Variants in LRIF1 observed in about 807,000 individuals in gnomAD.
The protein encoded by LRIF1 is ligand-dependent nuclear receptor-interacting factor 1.
Under a neutral mutation model 52.7 loss-of-function variants are expected in LRIF1, and 32 were observed. That is an observed-to-expected ratio of 0.61 (90% CI 0.46 to 0.82). LRIF1 has a LOEUF of 0.82. Among genes scored for constraint, LRIF1 ranks in the 40% least tolerant of loss-of-function variants. LRIF1 has a pLI of 0.00. For missense variants in LRIF1, 887 were observed against 892.0 expected (o/e 0.99, Z 0.07); for synonymous variants, 323 against 317.4 (o/e 1.02, Z -0.19).
the LRIF1 span, chr1:110,892,238 T>A: frequency 1.2e-6 from 1 of 847,526 alleles, no homozygotes; most frequent in African/African-American, 1.7e-5. Flanking sequence ...GACTCTTGAT[T>A]GAGCCAGTTA....
At position 110,948,189 on chromosome 1, in the gene LRIF1, C is replaced by T; in HGVS notation, c.2080G>A (p.Glu694Lys). The T allele has an allele frequency of 6.2e-7, 1 of 1,614,060 alleles. No individual in the cohort carries two copies. Among genetic ancestry groups the T allele is most frequent in the Non-Finnish European group, 8.5e-7 (1 of 1,179,992 alleles). ...TTCTCATGGGTATAGTATTCCATCT[C>T]AGTTCTCTTTTCTTGTCTGGTTTTG... ...HSKTRQEKRT[E>K]MEYYTHEKQE... The change falls in exon 4 of 4, where the codon GAG (glutamate) becomes AAG (lysine). Residue 694 changes from glutamate to lysine, a missense_variant. By Grantham distance (56) the Glu-to-Lys change is moderately conservative (BLOSUM62 1). Transcript: ENST00000369763.
At chr1:110,888,129 C>T in the LRIF1 span, among the ~76,000 whole-genome samples, 1 of 152,194 alleles carries the variant, frequency 6.6e-6, no homozygotes, top group African/African-American at 2.4e-5. Flanking sequence ...CAAATTCTCT[C>T]CCTGAGCCCT....
At chr1:110,934,416 CT>C in the LRIF1 span, among the ~76,000 whole-genome samples, 1 of 152,192 alleles carries the variant, frequency 6.6e-6, no homozygotes, top group Non-Finnish European at 1.5e-5. Flanking sequence ...CAGGATTTGA[CT>C]CTTAGATGGC....
At chr1:110,895,871 C>T in the LRIF1 span, among the ~76,000 whole-genome samples, 1 of 152,086 alleles carries the variant, frequency 6.6e-6, no homozygotes, top group African/African-American at 2.4e-5. Flanking sequence ...AAAGCAAATA[C>T]TAGACAATAT....
the LRIF1 span, among the ~76,000 whole-genome samples, chr1:110,931,307 C>T: frequency 6.6e-6 from 1 of 152,170 alleles, no homozygotes; most frequent in Non-Finnish European, 1.5e-5. Context: ...CTGCAAAGGA[C>T]ATGAACTCAT....
At chr1:110,876,559 T>C in the LRIF1 span, among the ~76,000 whole-genome samples, 1,046 of 152,260 alleles carry the variant, frequency 6.9e-3, 8 homozygotes, top group Non-Finnish European at 0.011. Flanking sequence ...ATGCCTCATA[T>C]CTTTTAAAAC....
chr1:110,932,945 A>G, the LRIF1 span, among the ~76,000 whole-genome samples: 1 of 152,200 alleles, frequency 6.6e-6, no homozygotes, highest in African/African-American at 2.4e-5. Context: ...TATAGATTAA[A>G]AAGTTTCCCT....
Position 110,958,513 on chromosome 1 carries a change from A to T in LRIF1, c.68+5108T>A, listed in dbSNP as rs145139109. ...GAAACTCCTTAAGGTGAGAGGCTTT[A>T]TAATTTATTTTGCAAATATCCTTCC... On this transcript the variant is annotated intron_variant, in intron 1 of 3. Transcript: ENST00000369763. 6.2e-3 allele frequency among the ~76,000 whole-genome samples: 940 copies of T among 152,284 alleles called. 11 individuals are homozygous for T. The highest frequency in any genetic ancestry group is 0.021 in the African/African-American group (891 of 41,562).
chr1:110,875,308 A>G, the LRIF1 span, among the ~76,000 whole-genome samples: 1 of 152,184 alleles, frequency 6.6e-6, no homozygotes, highest in Non-Finnish European at 1.5e-5. Context: ...AGTGGAGGGC[A>G]AGATCGCTCA....
chr1:110,948,496 C>T (rs886791319), intron 3 of LRIF1, 97 bp from the exon 4 acceptor site: 6 of 1,450,704 alleles, frequency 4.1e-6, no homozygotes, highest in East Asian at 5.0e-5. Flanking sequence ...AAACAAATAT[C>T]TAGCTATTAC....
the LRIF1 span, among the ~76,000 whole-genome samples, chr1:110,916,787 G>A: frequency 3.9e-5 from 6 of 152,150 alleles, no homozygotes; most frequent in African/African-American, 1.4e-4. Flanking sequence ...AGCTGTATTA[G>A]ATAGACCTCA....
the LRIF1 span, among the ~76,000 whole-genome samples, chr1:110,900,082 G>C: frequency 6.6e-6 from 1 of 152,160 alleles, no homozygotes; most frequent in African/African-American, 2.4e-5. Context: ...CATGGTTTTT[G>C]TGGGTCAGGA....
At chr1:110,942,865 A>G (rs1209527022), downstream of LRIF1, among the ~76,000 whole-genome samples, 2 of 152,138 alleles carry the variant, frequency 1.3e-5, no homozygotes, top group African/African-American at 2.4e-5. Flanking sequence ...AGGCAATTGG[A>G]TATACAATTT....
chr1:110,887,590 G>A, the LRIF1 span, among the ~76,000 whole-genome samples: 1 of 152,204 alleles, frequency 6.6e-6, no homozygotes, highest in Non-Finnish European at 1.5e-5. Flanking sequence ...CTTGGAAAGT[G>A]TTTAATATCT....
chr1:110,956,465 A>C (rs1658705205), intron 1 of LRIF1, among the ~76,000 whole-genome samples: 2 of 152,348 alleles, frequency 1.3e-5, no homozygotes, highest in African/African-American at 4.8e-5. Flanking sequence ...AAAAGGCTAA[A>C]GTATAGGGAT....
At chr1:110,901,254 T>C in the LRIF1 span, among the ~76,000 whole-genome samples, 1 of 152,072 alleles carries the variant, frequency 6.6e-6, no homozygotes, top group Non-Finnish European at 1.5e-5. Context: ...CTTGGCTCAC[T>C]GCAACCTCCA....
chr1:110,899,127 T>C, the LRIF1 span: 37 of 1,613,462 alleles, frequency 2.3e-5, no homozygotes, highest in Non-Finnish European at 3.1e-5. Flanking sequence ...TTCACAGGTG[T>C]TGGGGATGTC....
the LRIF1 span, among the ~76,000 whole-genome samples, chr1:110,933,024 T>C: frequency 6.6e-6 from 1 of 152,204 alleles, no homozygotes; most frequent in Non-Finnish European, 1.5e-5. Flanking sequence ...ATTCTAGAGG[T>C]CAAATACTAT....
the LRIF1 span, among the ~76,000 whole-genome samples, chr1:110,926,350 T>C: frequency 6.6e-6 from 1 of 152,014 alleles, no homozygotes; most frequent in South Asian, 2.1e-4. Context: ...AAAATGGAAA[T>C]GGTGGTATAT....
Sources: gnomAD v4.1 joint callset for allele counts (sites outside exome capture counted in the v4.1 genomes callset) on GRCh38, gnomAD v4.1.1 for gene constraint, MANE v1.5 for transcripts, NCBI Gene and HGNC (gene_info 2026-07-23, HGNC 2026-07-21) for gene names.